Variants in SHQ1 observed in about 807,000 individuals in gnomAD.
SHQ1 encodes the protein SHQ1, H/ACA ribonucleoprotein assembly factor, also known as protein SHQ1 homolog.
A neutral mutation model predicts 53.8 loss-of-function variants in SHQ1; 49 were observed. That is an observed-to-expected ratio of 0.91 (90% CI 0.72 to 1.16). The LOEUF is 1.16. Among genes scored for constraint, SHQ1 ranks in the 50% most tolerant of loss-of-function variants. The pLI is 0.00. For missense variants in SHQ1, 738 were observed against 683.1 expected (o/e 1.08, Z -0.90); for synonymous variants, 243 against 251.0 (o/e 0.97, Z 0.30).
downstream of SHQ1, among the ~76,000 whole-genome samples, chr3:72,748,971 G>GCGCACACA (rs1553687862): frequency 2.1e-5 from 3 of 144,062 alleles, no homozygotes; most frequent in African/African-American, 7.5e-5. Flanking sequence ...ACACGCACAC[G>GCGCACACA]CACACACACA....
At chr3:72,825,804 T>C (rs1473672434) in intron 5 of SHQ1, among the ~76,000 whole-genome samples, 1 of 152,210 alleles carries the variant, frequency 6.6e-6, no homozygotes, top group Non-Finnish European at 1.5e-5. Context: ...TAATCTTATA[T>C]CAGTTTCTAA....
At chr3:72,757,279 G>T (rs1158914873) in intron 10 of SHQ1, among the ~76,000 whole-genome samples, 1 of 152,044 alleles carries the variant, frequency 6.6e-6, no homozygotes, top group African/African-American at 2.4e-5. Context: ...GTTCAAACTG[G>T]ATGCTTACTG....
At chr3:72,798,211 T>C (rs549767597) in intron 9 of SHQ1, among the ~76,000 whole-genome samples, 2 of 152,230 alleles carry the variant, frequency 1.3e-5, no homozygotes, top group African/African-American at 4.8e-5. Context: ...AAACAGTGCC[T>C]TGCACAGTAA....
intron 9 of SHQ1, among the ~76,000 whole-genome samples, chr3:72,798,232 T>G (rs1706686040): frequency 6.6e-6 from 1 of 151,714 alleles, no homozygotes; most frequent in Admixed American, 6.6e-5. Flanking sequence ...CCACGGTAAC[T>G]ATTTGCACCA....
At chr3:72,792,483 T>C (rs1025892925) in intron 10 of SHQ1, among the ~76,000 whole-genome samples, 22 of 152,138 alleles carry the variant, frequency 1.4e-4, no homozygotes, top group African/African-American at 5.3e-4. Flanking sequence ...ATGGGTTTCC[T>C]TCTCATTAAA....
chr3:72,832,460 C>G lies in SHQ1; in HGVS notation c.508G>C (p.Asp170His). 4.3e-6 allele frequency: 7 copies of G among 1,611,732 alleles called. No individual in the cohort carries two copies. The highest frequency in any genetic ancestry group is 5.9e-6 in the Non-Finnish European group (7 of 1,179,150). Reference protein sequence around the residue: ...RLQDELSDVIDIKDPDFTPAA... With the variant: ...RLQDELSDVIHIKDPDFTPAA... ...GGGGTGAAATCTGGATCCTTAATAT[C>G]AATAACATCACTCAGTTCATCCTGA... The change falls in exon 5 of 11, where the codon GAT (aspartate) becomes CAT (histidine). Residue 170 changes from aspartate (D) to histidine (H), a missense_variant. Physicochemically the swap from Asp to His is moderately conservative, Grantham distance 81. Transcript: ENST00000325599.
At chr3:72,805,680 T>G (rs981262017) in intron 9 of SHQ1, among the ~76,000 whole-genome samples, 7 of 149,920 alleles carry the variant, frequency 4.7e-5, no homozygotes, top group Admixed American at 1.3e-4. Context: ...TATGTAATAT[T>G]TAAGAGGTCA....
At chr3:72,763,886 A>G (rs1705662148) in intron 10 of SHQ1, among the ~76,000 whole-genome samples, 1 of 152,208 alleles carries the variant, frequency 6.6e-6, no homozygotes, top group Admixed American at 6.5e-5. Flanking sequence ...TAAGCCACCC[A>G]GTCTGTGGTA....
At chr3:72,802,659 C>A (rs2106827100) in intron 9 of SHQ1, among the ~76,000 whole-genome samples, 1 of 152,276 alleles carries the variant, frequency 6.6e-6, no homozygotes, top group South Asian at 2.1e-4. Context: ...TCCACATCTT[C>A]TTTTCTAAAT....
At chr3:72,764,702 T>G (rs1705684343) in intron 10 of SHQ1, among the ~76,000 whole-genome samples, 1 of 152,178 alleles carries the variant, frequency 6.6e-6, no homozygotes, top group Non-Finnish European at 1.5e-5. Context: ...ATGCAGAATC[T>G]CAGCCCCCAA....
chr3:72,732,158 T>G, the SHQ1 span, among the ~76,000 whole-genome samples: 2 of 151,414 alleles, frequency 1.3e-5, no homozygotes, highest in Admixed American at 1.3e-4. Flanking sequence ...GCATCATCTC[T>G]CCAATTAAGG....
chr3:72,760,332 T>G (rs1461759647), intron 10 of SHQ1, among the ~76,000 whole-genome samples: 1 of 152,210 alleles, frequency 6.6e-6, no homozygotes, highest in Non-Finnish European at 1.5e-5. Context: ...TGCTCATTAG[T>G]GAATTTTTGT....
rs867014048 is a variant in SHQ1, at chr3:72,765,551, A to T, written c.1182-14715T>A. On this transcript the variant is annotated intron_variant, in intron 10 of 10. Transcript: ENST00000325599. ...ATGACATATATATATATATATATAT[A>T]TATATATTTTTTTTTTTTTTTTGAG... is the stretch of plus-strand genomic sequence containing the variant. 1.7e-3 allele frequency among the ~76,000 whole-genome samples: 147 copies of T among 88,172 alleles called. 4 individuals are homozygous for T. The highest frequency in any genetic ancestry group is 7.8e-3 in the African/African-American group (110 of 14,090). The allele number at this position is 88,172 out of a possible 152,430, so 57.8% of individuals were successfully genotyped here.
At chr3:72,733,292 G>C in the SHQ1 span, among the ~76,000 whole-genome samples, 1 of 151,520 alleles carries the variant, frequency 6.6e-6, no homozygotes, top group Non-Finnish European at 1.5e-5. Context: ...ATTCCAACCA[G>C]CACCTAGGAA....
intron 9 of SHQ1, among the ~76,000 whole-genome samples, chr3:72,804,971 A>C (rs1706895598): frequency 6.6e-6 from 1 of 152,246 alleles, no homozygotes; most frequent in Non-Finnish European, 1.5e-5. Flanking sequence ...TGTGAACGTC[A>C]CAGAATGTAC....
At chr3:72,752,567 G>A (rs890747502) in intron 10 of SHQ1, among the ~76,000 whole-genome samples, 13 of 150,986 alleles carry the variant, frequency 8.6e-5, no homozygotes, top group Non-Finnish European at 1.6e-4. Context: ...TCACTGTGTC[G>A]CCAGGCTGGA....
chr3:72,819,658 G>C (rs1707418498), intron 6 of SHQ1, among the ~76,000 whole-genome samples: 1 of 152,176 alleles, frequency 6.6e-6, no homozygotes, highest in Non-Finnish European at 1.5e-5. Context: ...AGGGGTGGCA[G>C]AGGCAAAAGA....
At chr3:72,817,702 A>G (rs1707361835) in intron 6 of SHQ1, among the ~76,000 whole-genome samples, 1 of 152,200 alleles carries the variant, frequency 6.6e-6, no homozygotes, top group African/African-American at 2.4e-5. Context: ...AAATTAAGAT[A>G]ATACATTTTG....
At chr3:72,780,332 G>T (rs371983813) in intron 10 of SHQ1, among the ~76,000 whole-genome samples, 1 of 152,150 alleles carries the variant, frequency 6.6e-6, no homozygotes, top group South Asian at 2.1e-4. Context: ...AACTTATACA[G>T]CATTAAGTGA....
Sources: gnomAD v4.1 joint callset for allele counts (sites outside exome capture counted in the v4.1 genomes callset) on GRCh38, gnomAD v4.1.1 for gene constraint, MANE v1.5 for transcripts, NCBI Gene and HGNC (gene_info 2026-07-23, HGNC 2026-07-21) for gene names.